TUSC3: variants seen among roughly 807,000 people sequenced by gnomAD.
The protein encoded by TUSC3 is tumor suppressor candidate 3.
Under a neutral mutation model 44.8 loss-of-function variants are expected in TUSC3, and 45 were observed. The observed-to-expected ratio is 1.00, with a 90% CI of 0.79 to 1.29. TUSC3 has a LOEUF of 1.29. Ranked by LOEUF, TUSC3 falls within the 50% of genes most tolerant of loss-of-function variation. TUSC3 has a pLI of 0.00. For synonymous variants in TUSC3, 212 were observed against 152.9 expected (o/e 1.39, Z -2.85); for missense variants, 519 against 437.9 (o/e 1.19, Z -1.65).
chr8:15,731,598 G>A (rs1011373847), intron 7 of TUSC3, among the ~76,000 whole-genome samples: 1 of 152,122 alleles, frequency 6.6e-6, no homozygotes, highest in African/African-American at 2.4e-5. Flanking sequence ...AAGCCCACTT[G>A]AGCTAGAATT....
At chr8:15,541,726 T>C (rs766029424) in intron 1 of TUSC3, among the ~76,000 whole-genome samples, 21 of 152,120 alleles carry the variant, frequency 1.4e-4, no homozygotes, top group Non-Finnish European at 2.8e-4. Context: ...ACTGAAATTG[T>C]ATTTACAAAT....
rs540490542 is a variant in TUSC3, at chr8:15,551,656, A to T, written c.138+11088A>T. Among the ~76,000 whole-genome samples the T allele has an allele frequency of 6.6e-5, 10 of 151,884 alleles. 1 individual carries two copies. The South Asian group carries it at 1.5e-3, about 22-fold the overall frequency. The stretch of plus-strand genomic sequence containing the variant: ...GTTTTCAAAGAACTTCATAGGTGTT[A>T]TATACCACAGTAACTCAGGAGAAAC... On this transcript the variant is annotated intron_variant, in intron 1 of 10. Coordinates refer to ENST00000503731, the MANE Select transcript of TUSC3 (RefSeq NM_006765.4).
At chr8:15,745,412 T>C (rs577061873) in intron 8 of TUSC3, among the ~76,000 whole-genome samples, 2 of 152,110 alleles carry the variant, frequency 1.3e-5, no homozygotes, top group Non-Finnish European at 2.9e-5. Context: ...TGCTCTAATT[T>C]ACATTCCCGA....
chr8:15,653,189 G>C (rs1305866418), intron 3 of TUSC3, among the ~76,000 whole-genome samples: 1 of 152,162 alleles, frequency 6.6e-6, no homozygotes, highest in South Asian at 2.1e-4. Flanking sequence ...AGTATGGTGT[G>C]GGTGGGGACT....
At chr8:15,535,318 G>A (rs539151270), upstream of TUSC3, among the ~76,000 whole-genome samples, 1 of 152,252 alleles carries the variant, frequency 6.6e-6, no homozygotes, top group East Asian at 1.9e-4. Context: ...CAAGAGTTTG[G>A]ACCTCCTTTT....
rs918307346 is a variant in TUSC3, at chr8:15,674,326, G to A, written c.798+490G>A. On this transcript the variant is annotated intron_variant, in intron 6 of 10. Coordinates refer to ENST00000503731, the MANE Select transcript of TUSC3 (RefSeq NM_006765.4). ...TTGTTACATTAGTAGCAGAGTTTAC[G>A]TTAGTAACTGCCACCGAATTCACAT... Among the ~76,000 whole-genome samples, 27 of 152,076 alleles carry A rather than the reference G, an allele frequency of 1.8e-4. No homozygotes were observed. The East Asian group carries it at 4.3e-3, about 24-fold the overall frequency.
At chr8:15,747,268 C>T (rs375874733) in intron 8 of TUSC3, among the ~76,000 whole-genome samples, 2,346 of 152,052 alleles carry the variant, frequency 0.015, 25 homozygotes, top group Middle Eastern at 0.072. Flanking sequence ...GTTTGATTTT[C>T]CTTATTTTCT....
intron 9 of TUSC3, among the ~76,000 whole-genome samples, chr8:15,754,865 G>T (rs531081014): frequency 6.6e-6 from 1 of 151,888 alleles, no homozygotes; most frequent in South Asian, 2.1e-4. Flanking sequence ...TCTATCTGAA[G>T]TGATCCTGTT....
chr8:15,661,309 A>G (rs1330847006), intron 4 of TUSC3, among the ~76,000 whole-genome samples: 1 of 152,042 alleles, frequency 6.6e-6, no homozygotes, highest in Non-Finnish European at 1.5e-5. Context: ...AGAGTTAGAT[A>G]TTTCATTTAA....
intron 2 of TUSC3, among the ~76,000 whole-genome samples, chr8:15,517,911 T>C (rs1200634427): frequency 6.6e-6 from 1 of 152,116 alleles, no homozygotes; most frequent in African/African-American, 2.4e-5. Context: ...TGGTTTTTAC[T>C]ATGTTTGTAA....
rs1806361684 is a variant in TUSC3, at chr8:15,641,373, A to G, written c.309-9324A>G. On this transcript the variant is annotated intron_variant, in intron 2 of 10. Coordinates refer to ENST00000503731, the MANE Select transcript of TUSC3 (RefSeq NM_006765.4). ...AGAGACTCCGTCTCAAAAAAAAAAA[A>G]AAAAAAGAAAAGTTGCATTGAGAAG... Among the ~76,000 whole-genome samples, 3 of 151,848 alleles carry G rather than the reference A, an allele frequency of 2.0e-5. No homozygotes were observed. In the South Asian group the frequency reaches 6.2e-4, roughly 32 times the overall value.
At chr8:15,528,053 T>A (rs1002574173) in intron 2 of TUSC3, among the ~76,000 whole-genome samples, 1 of 152,226 alleles carries the variant, frequency 6.6e-6, no homozygotes, top group Non-Finnish European at 1.5e-5. Context: ...ATTTAGTCCC[T>A]GAAATAGATG....
At chr8:15,658,637 T>TAC (rs766936043) in intron 3 of TUSC3, among the ~76,000 whole-genome samples, 8 of 112,202 alleles carry the variant, frequency 7.1e-5, no homozygotes, top group African/African-American at 2.4e-4. Context: ...TACACATATA[T>TAC]ATACACACAC....
At chr8:15,461,913 T>C (rs1237488428) in intron 1 of TUSC3, among the ~76,000 whole-genome samples, 2 of 152,066 alleles carry the variant, frequency 1.3e-5, no homozygotes, top group African/African-American at 4.8e-5. Flanking sequence ...TATGAAACTA[T>C]AGTATGGATA....
At chr8:15,477,470 C>T (rs575977672) in intron 1 of TUSC3, among the ~76,000 whole-genome samples, 6 of 152,158 alleles carry the variant, frequency 3.9e-5, no homozygotes, top group Non-Finnish European at 7.3e-5. Context: ...CGCCTGTAAT[C>T]CCAGCACTTT....
chr8:15,549,417 C>T (rs998539087), intron 1 of TUSC3, among the ~76,000 whole-genome samples: 1 of 151,608 alleles, frequency 6.6e-6, no homozygotes. Flanking sequence ...CGTGATCTGC[C>T]CGCCTCGGCC....
chr8:15,662,942 C>T (rs760751379), intron 5 of TUSC3, among the ~76,000 whole-genome samples: 17 of 151,770 alleles, frequency 1.1e-4, no homozygotes, highest in South Asian at 2.1e-4. Context: ...GTCGTTAAGG[C>T]CAAGTATTCA....
At chr8:15,649,306 C>G (rs919297927) in intron 2 of TUSC3, among the ~76,000 whole-genome samples, 1 of 151,988 alleles carries the variant, frequency 6.6e-6, no homozygotes, top group African/African-American at 2.4e-5. Flanking sequence ...GAAGTTTAGC[C>G]GGGCGCGGTG....
intron 1 of TUSC3, among the ~76,000 whole-genome samples, chr8:15,424,447 A>G (rs1050865987): frequency 6.6e-6 from 1 of 152,156 alleles, no homozygotes; most frequent in Non-Finnish European, 1.5e-5. Context: ...CACACTGACT[A>G]ATAACTCACA....
Sources: allele counts gnomAD v4.1 joint callset (sites outside exome capture counted in the v4.1 genomes callset), GRCh38; gene constraint gnomAD v4.1.1; transcripts MANE v1.5; gene names NCBI Gene and HGNC (gene_info 2026-07-23, HGNC 2026-07-21).